Variants in PMFBP1 observed in about 807,000 individuals in gnomAD.
PMFBP1 encodes the protein polyamine-modulated factor 1-binding protein 1.
In PMFBP1, 131 loss-of-function variants were observed where a neutral mutation model predicts 137.8. That is an observed-to-expected ratio of 0.95 (90% CI 0.82 to 1.10). The LOEUF (loss-of-function observed/expected upper bound fraction) is 1.10. PMFBP1 is among the 50% of genes least tolerant of loss of function. PMFBP1 has a pLI of 0.00. For synonymous variants in PMFBP1, 490 were observed against 450.4 expected (o/e 1.09, Z -1.11); for missense variants, 1,199 against 1,175.4 (o/e 1.02, Z -0.29).
At chr16:72,220,846 T>G in the PMFBP1 span, among the ~76,000 whole-genome samples, 24 of 152,306 alleles carry the variant, frequency 1.6e-4, no homozygotes, top group Non-Finnish European at 3.1e-4. Context: ...GAGTTGTTTC[T>G]TCCAGTTGCA....
chr16:72,145,729 C>T (rs1401537400), intron 5 of PMFBP1, among the ~76,000 whole-genome samples: 2 of 152,124 alleles, frequency 1.3e-5, no homozygotes, highest in African/African-American at 4.8e-5. Flanking sequence ...ATACAAACTA[C>T]CATCAGAGAA....
At chr16:72,119,718 T>C in intron 20 of PMFBP1, 133 bp downstream of exon 20, 1 of 1,501,010 alleles carries the variant, frequency 6.7e-7, no homozygotes, top group Admixed American at 2.5e-5. Context: ...AAAACAACGA[T>C]CTTTGGTCCA....
At chr16:72,209,832 G>C in the PMFBP1 span, among the ~76,000 whole-genome samples, 1 of 152,186 alleles carries the variant, frequency 6.6e-6, no homozygotes, top group Non-Finnish European at 1.5e-5. Context: ...TTGGCCATGG[G>C]AGGCACATGC....
chr16:72,139,259 A>T (rs746003285), intron 7 of PMFBP1, 30 bp downstream of exon 7: 1 of 1,523,386 alleles, frequency 6.6e-7, no homozygotes, highest in Non-Finnish European at 9.1e-7. Context: ...GCCCGATCCC[A>T]GTAGGCACAG....
chr16:72,153,642 C>T (rs1056304293), intron 4 of PMFBP1, among the ~76,000 whole-genome samples: 1 of 151,358 alleles, frequency 6.6e-6, no homozygotes, highest in Non-Finnish European at 1.5e-5. Context: ...CACCCTGGAA[C>T]ATGAATGGGA....
intron 14 of PMFBP1, among the ~76,000 whole-genome samples, chr16:72,126,368 AGGAGTACCAGC>A (rs1327420762): frequency 6.6e-6 from 1 of 152,262 alleles, no homozygotes; most frequent in Non-Finnish European, 1.5e-5. Flanking sequence ...CTCAAACAGC[AGGAGTACCAGC>A]GGTGCTGGGG....
At chr16:72,180,433 C>A (rs901874184), upstream of PMFBP1, among the ~76,000 whole-genome samples, 2 of 152,128 alleles carry the variant, frequency 1.3e-5, no homozygotes, top group African/African-American at 4.8e-5. Context: ...ATTGCCAAAC[C>A]TCTGGCAGAA....
At chr16:72,169,830 G>T (rs1186562953) in intron 2 of PMFBP1, among the ~76,000 whole-genome samples, 2 of 152,062 alleles carry the variant, frequency 1.3e-5, no homozygotes, top group African/African-American at 4.8e-5. Context: ...TAAGGTTGTT[G>T]CAAGGATTAA....
chr16:72,199,982 G>C, the PMFBP1 span, among the ~76,000 whole-genome samples: 1 of 152,220 alleles, frequency 6.6e-6, no homozygotes, highest in South Asian at 2.1e-4. Flanking sequence ...AGCCCGAGAG[G>C]AAATGAAGGG....
chr16:72,151,508 G>A (rs1490038051), intron 4 of PMFBP1, among the ~76,000 whole-genome samples: 1 of 152,196 alleles, frequency 6.6e-6, no homozygotes, highest in Non-Finnish European at 1.5e-5. Context: ...GTAGGTAGTT[G>A]AGTGTGCTAA....
At chr16:72,187,906 T>A in the PMFBP1 span, among the ~76,000 whole-genome samples, 2 of 152,224 alleles carry the variant, frequency 1.3e-5, no homozygotes, top group Non-Finnish European at 2.9e-5. Flanking sequence ...TCGAGAAACC[T>A]GCCTCACCCA....
chr16:72,143,067 T>G (rs2042746851), intron 5 of PMFBP1, among the ~76,000 whole-genome samples: 1 of 152,238 alleles, frequency 6.6e-6, no homozygotes, highest in South Asian at 2.1e-4. Context: ...TCTATTCGTG[T>G]AATCTGCTTC....
intron 10 of PMFBP1, 37 bp from the exon 11 acceptor site, chr16:72,130,759 G>C: frequency 3.2e-6 from 5 of 1,561,022 alleles, no homozygotes; most frequent in Non-Finnish European, 4.3e-6. Flanking sequence ...GAGAAGGGAG[G>C]GTGTATGAAG....
chr16:72,147,774 T>C (rs2042834384), intron 5 of PMFBP1, among the ~76,000 whole-genome samples: 1 of 152,216 alleles, frequency 6.6e-6, no homozygotes, highest in Admixed American at 6.5e-5. Context: ...GAAAAAAAGC[T>C]CATCATCACC....
chr16:72,193,866 C>T, the PMFBP1 span, among the ~76,000 whole-genome samples: 1 of 152,106 alleles, frequency 6.6e-6, no homozygotes, highest in African/African-American at 2.4e-5. Flanking sequence ...GCTAGCTAAC[C>T]ACACCTCCCC....
the PMFBP1 span, among the ~76,000 whole-genome samples, chr16:72,229,670 G>T: frequency 6.6e-6 from 1 of 151,956 alleles, no homozygotes; most frequent in African/African-American, 2.4e-5. Flanking sequence ...ATAAATGTCT[G>T]CTCATGTCCT....
At chr16:72,219,201 A>C in the PMFBP1 span, among the ~76,000 whole-genome samples, 4 of 152,108 alleles carry the variant, frequency 2.6e-5, no homozygotes, top group African/African-American at 9.7e-5. Context: ...AGTCACCATG[A>C]TGTATTACTG....
upstream of PMFBP1, among the ~76,000 whole-genome samples, chr16:72,173,409 TAGATTGTG>T (rs1185997503): frequency 2.6e-5 from 4 of 152,258 alleles, no homozygotes; most frequent in African/African-American, 4.8e-5. Context: ...AATGATTTTC[TAGATTGTG>T]ATGGTTTCAT....
At chr16:72,249,142 A>C in the PMFBP1 span, among the ~76,000 whole-genome samples, 1 of 152,110 alleles carries the variant, frequency 6.6e-6, no homozygotes, top group Admixed American at 6.5e-5. Context: ...TCTATTAAGA[A>C]GGATTAGATA....
Sources: allele counts gnomAD v4.1 joint callset (sites outside exome capture counted in the v4.1 genomes callset), GRCh38; gene constraint gnomAD v4.1.1; transcripts MANE v1.5; gene names NCBI Gene and HGNC (gene_info 2026-07-23, HGNC 2026-07-21).